The following PIWIL1 variants were observed in gnomAD, a reference collection of about 807,000 sequenced individuals.
PIWIL1 encodes piwi like RNA-mediated gene silencing 1.
Under a neutral mutation model 114.4 loss-of-function variants are expected in PIWIL1, and 73 were observed. The ratio of observed to expected loss-of-function variants is 0.64; its 90% CI spans 0.53 to 0.78. The LOEUF is 0.78. Ranked by LOEUF, PIWIL1 falls within the 30% of genes least tolerant of loss-of-function variation. The pLI, the probability that PIWIL1 is intolerant of heterozygous loss-of-function variation, is 0.00. For missense variants in PIWIL1, 723 were observed against 1,063.1 expected (o/e 0.68, Z 4.45); for synonymous variants, 375 against 369.0 (o/e 1.02, Z -0.19).
At chr12:130,392,462 T>C in the PIWIL1 span, among the ~76,000 whole-genome samples, 1 of 125,538 alleles carries the variant, frequency 8.0e-6, no homozygotes, top group Non-Finnish European at 1.8e-5. Flanking sequence ...CTGGTGAATA[T>C]TGAATGTTGT....
At chr12:130,354,376 T>C (rs746402613) in intron 9 of PIWIL1, among the ~76,000 whole-genome samples, 161 bp from the exon 10 acceptor site, 7 of 152,190 alleles carry the variant, frequency 4.6e-5, no homozygotes, top group Non-Finnish European at 1.0e-4. Context: ...GTTTTAAGAA[T>C]GTTAAAAAAA....
At chr12:130,383,202 G>A in the PIWIL1 span, among the ~76,000 whole-genome samples, 22 of 152,274 alleles carry the variant, frequency 1.4e-4, no homozygotes, top group East Asian at 5.8e-4. Flanking sequence ...TACAAATTGC[G>A]TTCCACCAGG....
At position 130,363,020 on chromosome 12, in the gene PIWIL1, G is replaced by A. The variant is rs772638699; in HGVS notation, c.2071G>A (p.Glu691Lys). 6.2e-6 allele frequency: 10 copies of A among 1,614,078 alleles called. No individual in the cohort carries two copies. In the South Asian group the frequency reaches 7.7e-5, roughly 12 times the overall value. The change falls in exon 18 of 21, where the codon GAG becomes AAG. Residue 691 changes from glutamate (E) to lysine (K), a missense_variant. This residue lies in a region of PIWIL1 where 31 missense variants were observed against 30.2 expected (regional missense o/e 1.03). Coordinates refer to ENST00000245255, the MANE Select transcript of PIWIL1 (RefSeq NM_004764.5). Reference protein sequence around the residue: ...AALRAWNSCNEYMPSRIIVYR... With the variant: ...AALRAWNSCNKYMPSRIIVYR... The stretch of plus-strand genomic sequence containing the variant: ...TCTGAGGGCTTGGAATAGCTGCAAT[G>A]AGTACATGCCCAGCCGGATCATCGT...
At chr12:130,340,638 A>AGGGGGGGG (rs1252877689) in intron 1 of PIWIL1, among the ~76,000 whole-genome samples, 1 of 3,156 alleles carries the variant, frequency 3.2e-4, no homozygotes, top group Non-Finnish European at 6.9e-4. Flanking sequence ...TGGTTGGGGG[A>AGGGGGGGG]GGGGGGGTGG....
chr12:130,406,109 A>C, the PIWIL1 span: 186 of 1,112,898 alleles, frequency 1.7e-4, no homozygotes, highest in African/African-American at 1.8e-3. Context: ...AGCAAAACAA[A>C]ACACACAAAA....
chr12:130,367,776 G>A (rs559025409), intron 19 of PIWIL1, among the ~76,000 whole-genome samples: 2 of 152,282 alleles, frequency 1.3e-5, no homozygotes, highest in East Asian at 3.9e-4. Context: ...TAGTAGCACG[G>A]GAGGATTCCG....
chr12:130,347,983 G>T, intron 6 of PIWIL1, 120 bp from the exon 7 acceptor site: 2 of 589,398 alleles, frequency 3.4e-6, no homozygotes, highest in South Asian at 4.8e-5. Context: ...CAGCAGGTAG[G>T]TTGGATTTGG....
intron 1 of PIWIL1, 197 bp downstream of exon 1, chr12:130,338,343 C>A (rs1394796847): frequency 6.1e-6 from 1 of 165,120 alleles, no homozygotes; most frequent in South Asian, 4.3e-5. Context: ...GGTGCGGGGG[C>A]GAGGTCCCAG....
chr12:130,341,577 C>A (rs893109025), intron 1 of PIWIL1, among the ~76,000 whole-genome samples: 1 of 152,210 alleles, frequency 6.6e-6, no homozygotes, highest in Non-Finnish European at 1.5e-5. Context: ...TTTTACCTGC[C>A]CTTTCCATTA....
the PIWIL1 span, chr12:130,422,303 G>A: frequency 1.3e-5 from 7 of 544,002 alleles, no homozygotes; most frequent in East Asian, 2.0e-4. This position sits in a 1 kb window ranked among gnomAD's most constrained non-coding sequence, Gnocchi z 5.2. Context: ...CATTTATCTT[G>A]TGCTGTTCCT....
Position 130,365,953 on chromosome 12 carries a change from A to G in PIWIL1, c.2196-1180A>G, listed in dbSNP as rs192556450. ...GCAGCAGTAGTCTGCGTAGGCAGAT[A>G]GGGACATTTCTGAAGATGTCCTCTG... On this transcript the variant is annotated intron_variant, in intron 18 of 20. Coordinates refer to ENST00000245255, the MANE Select transcript of PIWIL1 (RefSeq NM_004764.5). Among the ~76,000 whole-genome samples, 198 of 152,346 alleles carry G rather than the reference A, an allele frequency of 1.3e-3. 1 individual carries two copies. The highest frequency in any genetic ancestry group is 3.8e-3 in the Admixed American group (58 of 15,312).
chr12:130,366,628 A>T (rs2073666929), intron 18 of PIWIL1: 1 of 152,540 alleles, frequency 6.6e-6, no homozygotes, highest in African/African-American at 2.4e-5. Context: ...ATGAAAATGA[A>T]GTTACTCCTC....
At position 130,356,427 on chromosome 12, in the gene PIWIL1, G is replaced by A. The variant is rs114087027; in HGVS notation, c.1405-491G>A. Among the ~76,000 whole-genome samples, 668 of 152,080 alleles carry A rather than the reference G, an allele frequency of 4.4e-3. 5 individuals carry two copies. Among genetic ancestry groups the A allele is most frequent in the African/African-American group, 0.016 (644 of 41,484 alleles). ...CCAGGCAGGGAGGTGGCCAGGACAC[G>A]CAGAAGACACCGGGCTGCTCCCTGT... is the stretch of plus-strand genomic sequence containing the variant. On this transcript the variant is annotated intron_variant, in intron 12 of 20. Coordinates refer to ENST00000245255, the MANE Select transcript of PIWIL1 (RefSeq NM_004764.5).
At chr12:130,422,540 C>G in the PIWIL1 span, 1 of 1,610,320 alleles carries the variant, frequency 6.2e-7, no homozygotes, top group Non-Finnish European at 8.5e-7. The surrounding 1 kb of genome is among the most constrained non-coding windows in gnomAD (Gnocchi z 5.2). Context: ...ACCCGTCCTG[C>G]AGAGGCTGGG....
At chr12:130,340,661 T>TGGGGGGGGGGGGGGGGGGGGGGG (rs2072893442) in intron 1 of PIWIL1, among the ~76,000 whole-genome samples, 1 of 97,500 alleles carries the variant, frequency 1.0e-5, no homozygotes, top group Non-Finnish European at 2.2e-5. Context: ...GGAGGGGGGT[T>TGGGGGGGGGGGGGGGGGGGGGGG]GGTGGTGGTG....
At chr12:130,403,607 ATC>A in the PIWIL1 span, among the ~76,000 whole-genome samples, 1 of 152,196 alleles carries the variant, frequency 6.6e-6, no homozygotes, top group Non-Finnish European at 1.5e-5. Context: ...AACCTAAAGG[ATC>A]TCTCTCTGGG....
intron 19 of PIWIL1, 133 bp downstream of exon 19, chr12:130,367,391 A>T (rs372044721): frequency 1.1e-6 from 1 of 880,210 alleles, no homozygotes; most frequent in South Asian, 2.7e-5. Flanking sequence ...AATTTTTTCA[A>T]CTAATTTGGT....
downstream of PIWIL1, among the ~76,000 whole-genome samples, chr12:130,376,552 T>G (rs1185965042): frequency 6.6e-6 from 1 of 152,234 alleles, no homozygotes; most frequent in South Asian, 2.1e-4. Context: ...TGTGATTTCT[T>G]GAAGCCCTGT....
At chr12:130,366,244 G>A (rs2073653948) in intron 18 of PIWIL1, among the ~76,000 whole-genome samples, 1 of 152,160 alleles carries the variant, frequency 6.6e-6, no homozygotes, top group South Asian at 2.1e-4. Context: ...TAACTACGTG[G>A]ATTGTGTGTG....
Sources: gnomAD v4.1 joint callset for allele counts (sites outside exome capture counted in the v4.1 genomes callset) on GRCh38, gnomAD v4.1.1 for gene constraint, gnomAD v4.1.1 regional missense constraint, Gnocchi (gnomAD v3.1) non-coding constraint, MANE v1.5 for transcripts, NCBI Gene and HGNC (gene_info 2026-07-23, HGNC 2026-07-21) for gene names.